Variants in MBNL1 observed in about 807,000 individuals in gnomAD.
MBNL1 encodes the protein muscleblind like splicing regulator 1.
A neutral mutation model predicts 42.2 loss-of-function variants in MBNL1; 8 were observed. That is an observed-to-expected ratio of 0.19 (90% CI 0.11 to 0.34). The LOEUF (loss-of-function observed/expected upper bound fraction) is 0.34. Among genes scored for constraint, MBNL1 ranks in the 10% least tolerant of loss-of-function variants. MBNL1 has a pLI of 1.00. For synonymous variants in MBNL1, 169 were observed against 173.9 expected (o/e 0.97, Z 0.22); for missense variants, 309 against 495.3 (o/e 0.62, Z 3.57).
In MBNL1 at chr3:152,402,267, C is replaced by T. The variant is rs1174043639; in HGVS notation, c.175-12674C>T. Among the ~76,000 whole-genome samples the T allele has an allele frequency of 2.0e-5, 3 of 152,012 alleles. No individual in the cohort carries two copies. The East Asian group carries it at 5.8e-4, about 29-fold the overall frequency. On this transcript the variant is annotated intron_variant, in intron 2 of 9. Transcript: ENST00000324210. ...CCTGGTCATTTTCCTTTTCTGAGTA[C>T]CAGACCATAATTGAGGCCCCTGTAT... is the stretch of plus-strand genomic sequence containing the variant.
chr3:152,406,729 C>T (rs2098438661), intron 2 of MBNL1, among the ~76,000 whole-genome samples: 1 of 151,930 alleles, frequency 6.6e-6, no homozygotes, highest in South Asian at 2.1e-4. Flanking sequence ...TTTGGGATAT[C>T]GTAAATGTCG....
chr3:152,338,769 T>C, intron 2 of MBNL1: 1 of 864,050 alleles, frequency 1.2e-6, no homozygotes, highest in African/African-American at 1.8e-5. Context: ...AAGAATGTCC[T>C]TGGGAAACTC....
chr3:152,355,880 GCATGCGGAAGCAGCACAAGATAT>G (rs1241396364), intron 2 of MBNL1, among the ~76,000 whole-genome samples: 1 of 152,202 alleles, frequency 6.6e-6, no homozygotes, highest in African/African-American at 2.4e-5. Context: ...CAAAATCATA[GCATGCGGAAGCAGCACAAGATAT>G]CATGTGCAAC....
intron 3 of MBNL1, among the ~76,000 whole-genome samples, chr3:152,420,654 A>T (rs1296720334): frequency 1.3e-5 from 2 of 152,374 alleles, no homozygotes; most frequent in South Asian, 2.1e-4. Context: ...ATCCACGAAG[A>T]TGAGGAAAAA....
chr3:152,314,943 G>A (rs867641086), intron 2 of MBNL1, among the ~76,000 whole-genome samples: 1 of 152,194 alleles, frequency 6.6e-6, no homozygotes, highest in Non-Finnish European at 1.5e-5. Flanking sequence ...GATTTACTGA[G>A]CCATGCCACT....
chr3:152,333,408 G>A lies in MBNL1; in HGVS notation c.174+33041G>A, dbSNP rs567179167. On this transcript the variant is annotated intron_variant, in intron 2 of 9. Coordinates refer to ENST00000324210, the MANE Select transcript of MBNL1 (RefSeq NM_021038.5). ...ACAGTTAGGTTTTTGGAAAAAGACA[G>A]GGATATCAGATGCTCCTGCCACCAG... 7.5e-4 allele frequency among the ~76,000 whole-genome samples: 114 copies of A among 152,306 alleles called. 1 individual carries two copies. Among genetic ancestry groups the A allele is most frequent in the African/African-American group, 2.7e-3 (111 of 41,568 alleles).
intron 2 of MBNL1, among the ~76,000 whole-genome samples, chr3:152,252,035 G>A (rs780368258): frequency 1.3e-5 from 2 of 151,918 alleles, no homozygotes; most frequent in Non-Finnish European, 2.9e-5. Flanking sequence ...TTACTGGTAT[G>A]GATTCATGAA....
chr3:152,382,572 A>G (rs957343191), intron 2 of MBNL1, among the ~76,000 whole-genome samples: 3 of 152,170 alleles, frequency 2.0e-5, no homozygotes, highest in African/African-American at 7.2e-5. Flanking sequence ...TCATTATGAT[A>G]GCACTTATTT....
At chr3:152,268,881 A>T (rs1400248147), upstream of MBNL1, 1 of 453,902 alleles carries the variant, frequency 2.2e-6, no homozygotes, top group Non-Finnish European at 4.4e-6. Context: ...GCGCAGCAGC[A>T]GCGGAAGCCA....
At chr3:152,447,361 TAA>T (rs1711640220) in intron 5 of MBNL1, among the ~76,000 whole-genome samples, 2 of 152,106 alleles carry the variant, frequency 1.3e-5, no homozygotes. Context: ...TAAAGCACTT[TAA>T]CACATTATAA....
At chr3:152,450,347 A>G (rs1720094136) in intron 6 of MBNL1, among the ~76,000 whole-genome samples, 1 of 152,182 alleles carries the variant, frequency 6.6e-6, no homozygotes, top group Non-Finnish European at 1.5e-5. Flanking sequence ...ATATACCTGC[A>G]TTCACAAAAA....
intron 2 of MBNL1, among the ~76,000 whole-genome samples, chr3:152,314,738 A>G (rs2069537669): frequency 6.6e-6 from 1 of 152,226 alleles, no homozygotes; most frequent in South Asian, 2.1e-4. Flanking sequence ...ACATCATTAG[A>G]AATAGGAGAG....
intron 2 of MBNL1, among the ~76,000 whole-genome samples, chr3:152,414,402 A>G (rs1258795924): frequency 6.6e-6 from 1 of 152,186 alleles, no homozygotes; most frequent in Non-Finnish European, 1.5e-5. Flanking sequence ...TTTCAATTGT[A>G]AATTCCTAAT....
intron 2 of MBNL1, among the ~76,000 whole-genome samples, chr3:152,411,077 C>T (rs1032947722): frequency 4.6e-5 from 7 of 152,148 alleles, no homozygotes; most frequent in African/African-American, 1.7e-4. Context: ...GTTATTGTTA[C>T]TATTATATAG....
upstream of MBNL1, chr3:152,267,914 TC>T (rs2037705712): frequency 6.6e-6 from 1 of 152,246 alleles, no homozygotes; most frequent in Non-Finnish European, 1.5e-5. Flanking sequence ...CAAACGTTTT[TC>T]ACTAGAATCA....
chr3:152,341,076 T>C (rs2093070747), intron 2 of MBNL1: 1 of 773,684 alleles, frequency 1.3e-6, no homozygotes, highest in African/African-American at 1.8e-5. Context: ...CATTCAAGTT[T>C]ATTCCCTCTA....
At chr3:152,247,514 C>A (rs1011742832) in intron 2 of MBNL1, among the ~76,000 whole-genome samples, 1 of 151,356 alleles carries the variant, frequency 6.6e-6, no homozygotes, top group Non-Finnish European at 1.5e-5. Context: ...CTGAATACTT[C>A]CATTTAAAAA....
chr3:152,283,818 G>T (rs1438254814), intron 1 of MBNL1, among the ~76,000 whole-genome samples: 1 of 152,096 alleles, frequency 6.6e-6, no homozygotes, highest in Non-Finnish European at 1.5e-5. Flanking sequence ...TTACTGTCTG[G>T]ATTTCTACAG....
At chr3:152,402,116 C>T (rs1408612019) in intron 2 of MBNL1, among the ~76,000 whole-genome samples, 1 of 151,280 alleles carries the variant, frequency 6.6e-6, no homozygotes, top group African/African-American at 2.4e-5. Context: ...AGCTGGCAAA[C>T]TCTGACAAAG....
Sources: gnomAD v4.1 joint callset for allele counts (sites outside exome capture counted in the v4.1 genomes callset) on GRCh38, gnomAD v4.1.1 for gene constraint, MANE v1.5 for transcripts, NCBI Gene and HGNC (gene_info 2026-07-23, HGNC 2026-07-21) for gene names.